The following ADAMTSL1 variants were observed in gnomAD, a reference collection of about 807,000 sequenced individuals.
ADAMTSL1 encodes the protein ADAMTS like 1.
A neutral mutation model predicts 201.8 loss-of-function variants in ADAMTSL1; 126 were observed. The observed-to-expected ratio is 0.62, with a 90% CI of 0.54 to 0.72. ADAMTSL1 has a LOEUF of 0.72. ADAMTSL1 is among the 30% of genes least tolerant of loss of function. ADAMTSL1 has a pLI of 0.00. For missense variants in ADAMTSL1, 2,679 were observed against 2,277.8 expected, an observed-to-expected ratio of 1.18 and a Z score of -3.59; for synonymous variants, 1,121 against 903.4, an observed-to-expected ratio of 1.24 and a Z score of -4.32.
intron 2 of ADAMTSL1, among the ~76,000 whole-genome samples, chr9:18,359,582 T>C (rs1381422403): frequency 1.3e-5 from 2 of 152,216 alleles, no homozygotes; most frequent in African/African-American, 2.4e-5. Flanking sequence ...GATATGACTC[T>C]GAATGTCTGC....
In ADAMTSL1 at chr9:18,423,610, C is replaced by T. The variant is rs570908648; in HGVS notation, c.208-81219C>T. 5.9e-5 allele frequency among the ~76,000 whole-genome samples: 9 copies of T among 152,186 alleles called. No individual in the cohort carries two copies. The South Asian group carries it at 6.2e-4, about 11-fold the overall frequency. On this transcript the variant is annotated intron_variant, in intron 2 of 29. Coordinates refer to the ADAMTSL1 transcript ENST00000680146. The stretch of plus-strand genomic sequence containing the variant: ...TTAAGTACAATATTGTCCCTACTAG[C>T]GAGGTAAGAAACATAAAGAAAGCAA...
At chr9:18,454,509 A>C (rs1296683402) in intron 2 of ADAMTSL1, among the ~76,000 whole-genome samples, 1 of 152,076 alleles carries the variant, frequency 6.6e-6, no homozygotes, top group African/African-American at 2.4e-5. Context: ...TCAAGTCAAC[A>C]CCTAAAATTA....
At chr9:18,234,590 G>T (rs1436368407) in intron 2 of ADAMTSL1, among the ~76,000 whole-genome samples, 2 of 152,266 alleles carry the variant, frequency 1.3e-5, no homozygotes, top group Non-Finnish European at 2.9e-5. Context: ...ATCCCAGTTT[G>T]CCTGGCTTCA....
intron 2 of ADAMTSL1, among the ~76,000 whole-genome samples, chr9:18,378,594 C>G (rs1313316346): frequency 1.3e-5 from 2 of 152,288 alleles, no homozygotes; most frequent in Admixed American, 6.5e-5. Context: ...TATCCCATTT[C>G]TCACACCTCA....
At position 17,955,860 on chromosome 9, in the gene ADAMTSL1, C is replaced by T. The variant is rs566293308; in HGVS notation, c.87+48938C>T. ...TCGTTCTATCCATGGATTCAGGTAT[C>T]CCCTGAGGTTCTTAGGATATGTCTC... is the stretch of plus-strand genomic sequence containing the variant. On this transcript the variant is annotated intron_variant, in intron 1 of 29. Coordinates refer to the ADAMTSL1 transcript ENST00000680146. Among the ~76,000 whole-genome samples the T allele has an allele frequency of 2.6e-5, 4 of 152,264 alleles. No individual in the cohort carries two copies. In the East Asian group the frequency reaches 5.8e-4, roughly 22 times the overall value.
intron 4 of ADAMTSL1, among the ~76,000 whole-genome samples, chr9:18,594,345 C>T (rs1824118652): frequency 6.6e-6 from 1 of 152,188 alleles, no homozygotes; most frequent in East Asian, 1.9e-4. Context: ...TTTGACTTTC[C>T]TGTATCTGGA....
At chr9:18,056,674 G>A (rs1021551144) in intron 1 of ADAMTSL1, among the ~76,000 whole-genome samples, 1 of 152,252 alleles carries the variant, frequency 6.6e-6, no homozygotes, top group Non-Finnish European at 1.5e-5. Flanking sequence ...ATGGTAACTG[G>A]CCAAAAGAGG....
At chr9:18,806,901 G>C (rs6475247) in intron 20 of ADAMTSL1, among the ~76,000 whole-genome samples, 8 of 151,980 alleles carry the variant, frequency 5.3e-5, no homozygotes, top group Non-Finnish European at 1.0e-4. Context: ...GCTGACGTAC[G>C]AGTTTTAGCC....
chr9:18,597,272 T>C (rs1824329739), intron 4 of ADAMTSL1, among the ~76,000 whole-genome samples: 1 of 152,204 alleles, frequency 6.6e-6, no homozygotes, highest in African/African-American at 2.4e-5. Flanking sequence ...CAGAGCCTGT[T>C]GATGTGAGCT....
chr9:18,172,166 T>C (rs1371164722), intron 2 of ADAMTSL1, among the ~76,000 whole-genome samples: 1 of 151,764 alleles, frequency 6.6e-6, no homozygotes, highest in Non-Finnish European at 1.5e-5. Context: ...TTAGGAGAAA[T>C]ACTTAATGTA....
Position 18,430,316 on chromosome 9 carries a change from C to A in ADAMTSL1, c.208-74513C>A, listed in dbSNP as rs1427545724. On this transcript the variant is annotated intron_variant, in intron 2 of 29. Transcript: ENST00000680146. The stretch of plus-strand genomic sequence containing the variant: ...ACCAACAGTATTATTTTTCTGTGAC[C>A]CACAATGGCTTCCCAAAGTGTGCTC... Among the ~76,000 whole-genome samples the A allele has an allele frequency of 2.6e-5, 4 of 152,210 alleles. No individual in the cohort carries two copies. In the East Asian group the frequency reaches 7.8e-4, roughly 30 times the overall value.
At position 18,830,535 on chromosome 9, in the gene ADAMTSL1, A is replaced by G. The variant is rs117261958; in HGVS notation, c.4249+558A>G. 9.4e-3 allele frequency among the ~76,000 whole-genome samples: 1,425 copies of G among 152,282 alleles called. 12 individuals carry two copies. The highest frequency in any genetic ancestry group is 0.013 in the Non-Finnish European group (900 of 68,018). ...TTTCACTAAGTACAACCTCCCTGTCATCTAGTGTTGGAAACCTTCACCAAG... is the reference window on the plus strand; with the variant it reads ...TTTCACTAAGTACAACCTCCCTGTCGTCTAGTGTTGGAAACCTTCACCAAG... On this transcript the variant is annotated intron_variant, in intron 23 of 28. Transcript: ENST00000380548.
intron 2 of ADAMTSL1, among the ~76,000 whole-genome samples, chr9:18,531,974 T>C (rs1208353960): frequency 6.6e-6 from 1 of 152,188 alleles, no homozygotes; most frequent in Admixed American, 6.6e-5. Flanking sequence ...GATATGATGA[T>C]GGTACTCTAT....
intron 17 of ADAMTSL1, among the ~76,000 whole-genome samples, chr9:18,773,970 T>C (rs1353626029): frequency 6.6e-6 from 1 of 152,222 alleles, no homozygotes; most frequent in Admixed American, 6.5e-5. Flanking sequence ...CTTTGCATCT[T>C]AAATTTCTTT....
At chr9:18,236,124 G>T (rs1162519117) in intron 2 of ADAMTSL1, among the ~76,000 whole-genome samples, 1 of 152,170 alleles carries the variant, frequency 6.6e-6, no homozygotes, top group Non-Finnish European at 1.5e-5. Context: ...GGGCTGGAGT[G>T]CAGTGGCACA....
chr9:17,934,509 G>A (rs1224510223), intron 1 of ADAMTSL1, among the ~76,000 whole-genome samples: 2 of 152,008 alleles, frequency 1.3e-5, no homozygotes, highest in African/African-American at 4.8e-5. Flanking sequence ...CAGATAAATG[G>A]CTTGATTTTG....
chr9:18,871,793 C>G (rs1459381424), intron 23 of ADAMTSL1, among the ~76,000 whole-genome samples: 1 of 152,146 alleles, frequency 6.6e-6, no homozygotes, highest in Non-Finnish European at 1.5e-5. Flanking sequence ...ATATGTCTCT[C>G]TTTTTTGCCA....
chr9:18,450,746 C>T (rs1820372502), intron 2 of ADAMTSL1, among the ~76,000 whole-genome samples: 1 of 152,132 alleles, frequency 6.6e-6, no homozygotes, highest in African/African-American at 2.4e-5. Context: ...TGAAGTGATT[C>T]ATTATTTGAC....
rs554465278 is a variant in ADAMTSL1, at chr9:18,057,778, G to T, written c.88-106084G>T. 2.0e-5 allele frequency among the ~76,000 whole-genome samples: 3 copies of T among 152,268 alleles called. No homozygotes were observed. The South Asian group carries it at 6.2e-4, about 32-fold the overall frequency. On this transcript the variant is annotated intron_variant, in intron 1 of 29. Transcript: ENST00000680146. The stretch of plus-strand genomic sequence containing the variant: ...ACATGCTGTTCCCTCTGCCAATAAT[G>T]AGCTTCCTAGCACTCGTCTGGCTAA...
Sources: allele counts gnomAD v4.1 joint callset (sites outside exome capture counted in the v4.1 genomes callset), GRCh38; gene constraint gnomAD v4.1.1; transcripts MANE v1.5; gene names NCBI Gene and HGNC (gene_info 2026-07-23, HGNC 2026-07-21).